ZNF609: variants seen among roughly 807,000 people sequenced by gnomAD.
The protein encoded by ZNF609 is zinc finger protein 609.
Under a neutral mutation model 109.5 loss-of-function variants are expected in ZNF609, and 11 were observed. The observed-to-expected ratio is 0.10, with a 90% confidence interval of 0.06 to 0.17. The LOEUF (loss-of-function observed/expected upper bound fraction) is 0.17, where lower values mean the gene tolerates loss of function less well. ZNF609 is among the 10% of genes least tolerant of loss of function. The pLI, the probability that ZNF609 is intolerant of heterozygous loss-of-function variation, is 1.00. For missense variants in ZNF609, 1,559 were observed against 1,772.4 expected, an observed-to-expected ratio of 0.88 and a Z score of 2.16; for synonymous variants, 646 against 662.0, an observed-to-expected ratio of 0.98 and a Z score of 0.37.
At chr15:64,542,104 G>A (rs75146157) in intron 2 of ZNF609, among the ~76,000 whole-genome samples, 3,209 of 151,942 alleles carry the variant, frequency 0.021, 118 homozygotes, top group African/African-American at 0.069. Flanking sequence ...GGCAACATAG[G>A]GAGACCCCCA....
At chr15:64,487,169 C>T (rs1037304009) in intron 1 of ZNF609, among the ~76,000 whole-genome samples, 2 of 151,874 alleles carry the variant, frequency 1.3e-5, no homozygotes, top group Non-Finnish European at 2.9e-5. Flanking sequence ...TCAGACTCTC[C>T]AACAGATCTA....
In ZNF609 at chr15:64,573,098, C is replaced by T. The variant is rs1215288318; in HGVS notation, c.748-49729C>T. 2.0e-5 allele frequency among the ~76,000 whole-genome samples: 3 copies of T among 151,806 alleles called. No individual in the cohort carries two copies. The South Asian group carries it at 6.2e-4, about 32-fold the overall frequency. On this transcript the variant is annotated intron_variant, in intron 2 of 9. Coordinates refer to ENST00000326648, the MANE Select transcript of ZNF609 (RefSeq NM_015042.2). ...TTCATAGTACCTAGAACAGTGCCAA[C>T]GTGTAGCAGACATGAATAAATATTT...
intron 1 of ZNF609, among the ~76,000 whole-genome samples, chr15:64,473,145 G>A (rs1387971028): frequency 1.4e-5 from 2 of 142,398 alleles, no homozygotes; most frequent in African/African-American, 5.3e-5. Flanking sequence ...AAGCATTGCT[G>A]TTCTTCCAGT....
chr15:64,496,063 C>T (rs1316113404), intron 1 of ZNF609, among the ~76,000 whole-genome samples: 1 of 152,176 alleles, frequency 6.6e-6, no homozygotes, highest in African/African-American at 2.4e-5. Context: ...AAGTGATCCT[C>T]CTGCCTCTGC....
chr15:64,476,513 GT>G (rs1317016077), intron 1 of ZNF609, among the ~76,000 whole-genome samples: 1 of 152,124 alleles, frequency 6.6e-6, no homozygotes, highest in Non-Finnish European at 1.5e-5. Context: ...GTGTTACTGG[GT>G]TGTTAGGCAC....
At chr15:64,640,631 G>T (rs889104962) in intron 3 of ZNF609, among the ~76,000 whole-genome samples, 1 of 152,278 alleles carries the variant, frequency 6.6e-6, no homozygotes, top group Non-Finnish European at 1.5e-5. Flanking sequence ...TGGACAGTGG[G>T]ATTCCTTCTC....
intron 2 of ZNF609, among the ~76,000 whole-genome samples, chr15:64,522,241 T>C (rs543559397): frequency 1.3e-5 from 2 of 152,338 alleles, no homozygotes; most frequent in South Asian, 2.1e-4. Context: ...TGCTTTATTG[T>C]AAAGAATTTG....
At position 64,678,411 on chromosome 15, in the gene ZNF609, A is replaced by G; in HGVS notation, c.3698A>G (p.Tyr1233Cys). The G allele has an allele frequency of 1.9e-6, 3 of 1,613,088 alleles. No individual in the cohort carries two copies. The highest frequency in any genetic ancestry group is 2.5e-6 in the Non-Finnish European group (3 of 1,179,400). Residue 1233 changes from tyrosine to cysteine, a missense_variant, in exon 6 of 10, where the codon TAC (tyrosine) becomes TGC (cysteine). Physicochemically the swap from Tyr to Cys is radical, Grantham distance 194 (BLOSUM62 -2). Around this residue, in one of 4 missense-constraint regions of ZNF609, gnomAD observed 1,204 missense variants for 1,314.1 expected, o/e 0.92. Coordinates refer to ENST00000326648, the MANE Select transcript of ZNF609 (RefSeq NM_015042.2). ...SYIPYMHGYS[Y>C]SQSYDPNHPS... is the part of the protein sequence containing the mutation. ...ATCCCCTACATGCACGGCTATTCCT[A>G]CAGTCAGTCCTACGACCCCAACCAC...
At chr15:64,616,376 T>C (rs1220614613) in intron 2 of ZNF609, among the ~76,000 whole-genome samples, 2 of 152,022 alleles carry the variant, frequency 1.3e-5, no homozygotes, top group African/African-American at 2.4e-5. Flanking sequence ...TGAGAGGCAG[T>C]TGAAGTAGGT....
chr15:64,589,558 C>T (rs1001835796), intron 2 of ZNF609, among the ~76,000 whole-genome samples: 5 of 152,144 alleles, frequency 3.3e-5, no homozygotes, highest in Non-Finnish European at 7.3e-5. Flanking sequence ...AGTTGCACAG[C>T]CAGTAGTGGA....
rs77547352 is a variant in ZNF609, at chr15:64,534,088, C to T, written c.747+33922C>T. Among the ~76,000 whole-genome samples the T allele has an allele frequency of 8.3e-4, 125 of 151,292 alleles. 4 individuals carry two copies. The East Asian group carries it at 0.015, about 18-fold the overall frequency. Reference sequence around the variant, plus strand: ...GTGCAATGGCACAACCTCAGCTCACCGCAACCTCTGCCTCCCGGGTTGAAG... The same window carrying T: ...GTGCAATGGCACAACCTCAGCTCACTGCAACCTCTGCCTCCCGGGTTGAAG... On this transcript the variant is annotated intron_variant, in intron 2 of 9. Transcript: ENST00000326648.
chr15:64,467,419 G>T (rs914291663), intron 1 of ZNF609, among the ~76,000 whole-genome samples: 1 of 152,138 alleles, frequency 6.6e-6, no homozygotes, highest in Non-Finnish European at 1.5e-5. Flanking sequence ...TGTACCATCA[G>T]TTATCTATGC....
chr15:64,668,952 CAAAAAAAAAA>C (rs538954402), intron 3 of ZNF609, among the ~76,000 whole-genome samples: 13 of 34,980 alleles, frequency 3.7e-4, no homozygotes, highest in African/African-American at 1.1e-3. Flanking sequence ...AACTCCGTCT[CAAAAAAAAAA>C]AAAAAAAAAA....
At chr15:64,616,275 T>C (rs1895796255) in intron 2 of ZNF609, among the ~76,000 whole-genome samples, 1 of 152,164 alleles carries the variant, frequency 6.6e-6, no homozygotes, top group African/African-American at 2.4e-5. Context: ...ATTACAGGTA[T>C]AAACCATCAC....
chr15:64,507,840 G>T (rs530557860), intron 2 of ZNF609, among the ~76,000 whole-genome samples: 1 of 152,196 alleles, frequency 6.6e-6, no homozygotes, highest in African/African-American at 2.4e-5. Context: ...ATTGGGGTGG[G>T]CCTGGAACCA....
chr15:64,505,027 A>G (rs1024672641), intron 2 of ZNF609, among the ~76,000 whole-genome samples: 13 of 152,182 alleles, frequency 8.5e-5, no homozygotes, highest in Non-Finnish European at 1.6e-4. Context: ...AATTGCTTTT[A>G]CCCCAAAACT....
intron 2 of ZNF609, among the ~76,000 whole-genome samples, chr15:64,553,781 G>A (rs958009017): frequency 5.3e-5 from 8 of 151,768 alleles, no homozygotes; most frequent in Non-Finnish European, 8.8e-5. Context: ...TGTATTTTTA[G>A]TAGAGACGGG....
chr15:64,572,989 C>T (rs1017788965), intron 2 of ZNF609, among the ~76,000 whole-genome samples: 2 of 152,146 alleles, frequency 1.3e-5, no homozygotes, highest in South Asian at 2.1e-4. Flanking sequence ...AAAGCATGGA[C>T]CTAGATTTTG....
At chr15:64,549,870 C>T (rs1395341812) in intron 2 of ZNF609, among the ~76,000 whole-genome samples, 1 of 152,182 alleles carries the variant, frequency 6.6e-6, no homozygotes, top group Non-Finnish European at 1.5e-5. Flanking sequence ...ATTGCAGCTT[C>T]AGTCTCCTGT....
Sources: allele counts gnomAD v4.1 joint callset (sites outside exome capture counted in the v4.1 genomes callset), GRCh38; gene constraint gnomAD v4.1.1; regional missense constraint gnomAD v4.1.1; transcripts MANE v1.5; gene names NCBI Gene and HGNC (gene_info 2026-07-23, HGNC 2026-07-21).